EPHA8: variants seen among roughly 807,000 people sequenced by gnomAD.
The protein encoded by EPHA8 is EPH receptor A8.
EPHA8 carries 58 observed loss-of-function variants against 103.6 expected under a neutral mutation model. The observed-to-expected ratio is 0.56, with a 90% confidence interval of 0.45 to 0.70. The LOEUF (loss-of-function observed/expected upper bound fraction) is 0.70, where lower values mean the gene tolerates loss of function less well. Ranked by LOEUF, EPHA8 falls within the 30% of genes least tolerant of loss-of-function variation. The probability of loss-of-function intolerance (pLI) is 0.00; values close to 1 mark genes in which losing one functional copy is unlikely to be tolerated. For missense variants in EPHA8, 1,304 were observed against 1,395.2 expected (o/e 0.93, Z 1.04); for synonymous variants, 559 against 572.5 (o/e 0.98, Z 0.34).
Position 22,569,361 on chromosome 1 carries a change from A to G in EPHA8, c.159+8A>G. On this transcript the variant is annotated splice_region_variant and intron_variant, in intron 2 of 16. Transcript: ENST00000166244. The surrounding 1 kb of genome is among the most constrained non-coding windows in gnomAD (Gnocchi z 4.5). ...ACGTATCCGGCTCATGGGGTGAGTG[A>G]TGGGCACTGGGGACAACGTCATCCC... 1 of 1,587,854 alleles carries G rather than the reference A, an allele frequency of 6.3e-7. No homozygotes were observed. Among genetic ancestry groups the G allele is most frequent in the East Asian group, 2.3e-5 (1 of 44,286 alleles).
At chr1:22,566,335 T>C (rs1408780707) in intron 1 of EPHA8, among the ~76,000 whole-genome samples, 1 of 152,182 alleles carries the variant, frequency 6.6e-6, no homozygotes, top group Non-Finnish European at 1.5e-5. Context: ...CCTCAGGGAA[T>C]GTAAATCAAT....
chr1:22,599,107 C>G (rs546384886), intron 13 of EPHA8, 60 bp downstream of exon 13: 132 of 1,522,148 alleles, frequency 8.7e-5, no homozygotes, highest in Middle Eastern at 1.9e-4. Flanking sequence ...GCCGGTGGCA[C>G]CCAGGGCCCA....
At chr1:22,577,197 C>A (rs765235687) in intron 3 of EPHA8, among the ~76,000 whole-genome samples, 35 of 152,216 alleles carry the variant, frequency 2.3e-4, no homozygotes, top group Middle Eastern at 3.4e-3. Flanking sequence ...GATTCCTACC[C>A]GGATTAGGGA....
intron 3 of EPHA8, among the ~76,000 whole-genome samples, chr1:22,582,162 C>T (rs573192240): frequency 1.3e-5 from 2 of 152,314 alleles, no homozygotes; most frequent in South Asian, 4.1e-4. Flanking sequence ...AGGGAGTCTT[C>T]AGGAGACCTG....
At chr1:22,571,558 C>T (rs1246049170) in intron 2 of EPHA8, among the ~76,000 whole-genome samples, 1 of 152,196 alleles carries the variant, frequency 6.6e-6, no homozygotes, top group Admixed American at 6.5e-5. Context: ...CAAGCCTGCA[C>T]TCTCTGCTGA....
chr1:22,566,686 A>G (rs1032971555), intron 1 of EPHA8, among the ~76,000 whole-genome samples: 9 of 152,186 alleles, frequency 5.9e-5, no homozygotes, highest in African/African-American at 1.9e-4. Context: ...CGGCAGCGCA[A>G]GAGGCAGGAG....
intron 3 of EPHA8, among the ~76,000 whole-genome samples, chr1:22,581,305 A>G (rs1485208805): frequency 6.6e-6 from 1 of 152,248 alleles, no homozygotes; most frequent in Non-Finnish European, 1.5e-5. Flanking sequence ...CATAAGTCAT[A>G]ACAATCTGGC....
chr1:22,597,627 G>C lies in EPHA8; in HGVS notation c.1931-49G>C. ...AGGGCCTGGGAGGCTGGGGGAGTCT[G>C]AGGGTCCCACTGCCCTCCCTCCACA... On this transcript the variant is annotated intron_variant, in intron 10 of 16. Coordinates refer to ENST00000166244, the MANE Select transcript of EPHA8 (RefSeq NM_020526.5). This position sits in a 1 kb window ranked among gnomAD's most constrained non-coding sequence, Gnocchi z 4.6. 1 of 1,560,184 alleles carries C rather than the reference G, an allele frequency of 6.4e-7. No homozygotes were observed.
At position 22,576,375 on chromosome 1, in the gene EPHA8, C is replaced by G; in HGVS notation, c.318C>G (p.Arg106=). 1 of 1,613,860 alleles carries G rather than the reference C, an allele frequency of 6.2e-7. No homozygotes were observed. Among genetic ancestry groups the G allele is most frequent in the Non-Finnish European group, 8.5e-7 (1 of 1,180,032 alleles). Residue 106 remains arginine (R), a synonymous_variant, in exon 3 of 17, where the codon CGC becomes CGG. Transcript: ENST00000166244. The surrounding 1 kb of genome is among the most constrained non-coding windows in gnomAD (Gnocchi z 4.8). ...ATGCTGAGATCAAGTTTACCCTGCG[C>G]GACTGCAACAGCATGCCTGGTGTGC... ...RVYAEIKFTL[R]DCNSMPGVLG...
Position 22,601,741 on chromosome 1 carries a change from A to T in EPHA8, c.3018A>T (p.Ter1006CysextTer44). 2 of 1,556,004 alleles carry T rather than the reference A, an allele frequency of 1.3e-6. No individual in the cohort carries two copies. The highest frequency in any genetic ancestry group is 1.7e-6 in the Non-Finnish European group (2 of 1,150,226). Residue 1006 changes from the stop codon to cysteine, a stop_lost, in exon 17 of 17, where the codon TGA becomes TGT. Transcript: ENST00000166244. ...CCCAGGGGCCCCGCCGGCACCTCTG[A>T]TGTACAGCCAGCAGGGCCCAGGCAG... ...TSTQGPRRHL[*>C] is the part of the protein sequence containing the mutation.
Position 22,598,793 on chromosome 1 carries a change from C to T in EPHA8, c.2179-45C>T, listed in dbSNP as rs777637611. 2.5e-5 allele frequency: 39 copies of T among 1,589,752 alleles called. No homozygotes were observed. Among genetic ancestry groups the T allele is most frequent in the Non-Finnish European group, 2.9e-5 (34 of 1,164,266 alleles). On this transcript the variant is annotated intron_variant, in intron 12 of 16. Coordinates refer to ENST00000166244, the MANE Select transcript of EPHA8 (RefSeq NM_020526.5). This position sits in a 1 kb window ranked among gnomAD's most constrained non-coding sequence, Gnocchi z 5.1. The stretch of plus-strand genomic sequence containing the variant: ...GAGGTGTTCCTGTTCACGGACCAGG[C>T]GCCTCGCCGGGCTTTCCTGAAGTCC...
rs138872731 is a variant in EPHA8, at chr1:22,601,040, C to T, written c.2681C>T (p.Ala894Val). ...TCCCAGATTGTCAGTGTCCTCGATG[C>T]GCTCATCCGCAGCCCTGAGAGTCTC... is the stretch of plus-strand genomic sequence containing the variant. ...RFSQIVSVLD[A>V]LIRSPESLRA... Residue 894 changes from alanine to valine, a missense_variant, in exon 15 of 17, where the codon GCG becomes GTG. Transcript: ENST00000166244. 24 of 1,612,282 alleles carry T rather than the reference C, an allele frequency of 1.5e-5. No individual in the cohort carries two copies. Among genetic ancestry groups the T allele is most frequent in the African/African-American group, 9.3e-5 (7 of 75,042 alleles).
At position 22,596,281 on chromosome 1, in the gene EPHA8, A is replaced by C. The variant is rs1205774713; in HGVS notation, c.1765+108A>C. 9 of 1,132,370 alleles carry C rather than the reference A, an allele frequency of 7.9e-6. No individual in the cohort carries two copies. The Admixed American group carries it at 1.1e-4, about 14-fold the overall frequency. 70.1% of individuals were successfully genotyped at this position (1,132,370 alleles called of 1,614,324 possible). On this transcript the variant is annotated intron_variant, in intron 9 of 16. Coordinates refer to ENST00000166244, the MANE Select transcript of EPHA8 (RefSeq NM_020526.5). Reference sequence around the variant, plus strand: ...AAGGAGGAAGGTGCCCAGTGAAAAAACCAGAGCCCAAGAGGCAGATTCCAG... The same window carrying C: ...AAGGAGGAAGGTGCCCAGTGAAAAACCCAGAGCCCAAGAGGCAGATTCCAG...
chr1:22,575,135 GA>G (rs1325229126), intron 2 of EPHA8, among the ~76,000 whole-genome samples: 3 of 152,096 alleles, frequency 2.0e-5, no homozygotes, highest in Non-Finnish European at 4.4e-5. Context: ...ATTTTTAGTA[GA>G]GACAGGGTTT....
chr1:22,595,201 G>T (rs1276004632), intron 7 of EPHA8, 29 bp from the exon 8 acceptor site: 4 of 1,580,790 alleles, frequency 2.5e-6, no homozygotes, highest in Non-Finnish European at 3.5e-6. Context: ...CTGAGAGCCT[G>T]GTCCCCCAAC....
chr1:22,578,849 G>A (rs957131812), intron 3 of EPHA8, among the ~76,000 whole-genome samples: 2 of 150,942 alleles, frequency 1.3e-5, no homozygotes, highest in Admixed American at 1.3e-4. Flanking sequence ...ATGCATGTGT[G>A]CATGCATGTG....
At position 22,598,149 on chromosome 1, in the gene EPHA8, A is replaced by G. The variant is rs1641575694; in HGVS notation, c.2117-2A>G. 5 of 1,613,272 alleles carry G rather than the reference A, an allele frequency of 3.1e-6. No homozygotes were observed. The highest frequency in any genetic ancestry group is 4.2e-6 in the Non-Finnish European group (5 of 1,179,944). On this transcript the variant is annotated splice_acceptor_variant, in intron 11 of 16. Coordinates refer to ENST00000166244, the MANE Select transcript of EPHA8 (RefSeq NM_020526.5). LOFTEE classifies it high-confidence loss of function. The surrounding 1 kb of genome is among the most constrained non-coding windows in gnomAD (Gnocchi z 5.1). ...GCCACCCTCTCCCTACTGCCCGCCCAGGCCGCCTGGCAATGATTGTGACTG... is the reference window on the plus strand; with the variant it reads ...GCCACCCTCTCCCTACTGCCCGCCCGGGCCGCCTGGCAATGATTGTGACTG...
Position 22,576,753 on chromosome 1 carries a change from G to T in EPHA8, c.696G>T (p.Gln232His). 6.2e-7 allele frequency: 1 copy of T among 1,613,802 alleles called. No homozygotes were observed. The highest frequency in any genetic ancestry group is 8.5e-7 in the Non-Finnish European group (1 of 1,180,050). The change falls in exon 3 of 17, where the codon CAG becomes CAT. Residue 232 changes from glutamine to histidine, a missense_variant. Physicochemically the swap from Gln to His is conservative, Grantham distance 24 (BLOSUM62 0). Coordinates refer to ENST00000166244, the MANE Select transcript of EPHA8 (RefSeq NM_020526.5). This position sits in a 1 kb window ranked among gnomAD's most constrained non-coding sequence, Gnocchi z 4.8. Reference sequence around the variant, plus strand: ...CCTCACTGGTGGAGGTGAGGGGCCAGTGCGTGCGGCACTCAGAGGAGCGGG... The same window carrying T: ...CCTCACTGGTGGAGGTGAGGGGCCATTGCGTGCGGCACTCAGAGGAGCGGG... ...DSSSLVEVRG[Q>H]CVRHSEERDT...
chr1:22,578,978 T>C (rs969933913), intron 3 of EPHA8, among the ~76,000 whole-genome samples: 1 of 145,116 alleles, frequency 6.9e-6, no homozygotes, highest in African/African-American at 2.5e-5. Flanking sequence ...TTCATGTGTG[T>C]GAGTGTATGT....
Sources: gnomAD v4.1 joint callset for allele counts (sites outside exome capture counted in the v4.1 genomes callset) on GRCh38, gnomAD v4.1.1 for gene constraint, Gnocchi (gnomAD v3.1) non-coding constraint, MANE v1.5 for transcripts, NCBI Gene and HGNC (gene_info 2026-07-23, HGNC 2026-07-21) for gene names.